Variants in NGLY1 observed in about 807,000 individuals in gnomAD.
NGLY1 encodes the protein peptide-N(4)-(N-acetyl-beta-glucosaminyl)asparagine amidase.
A neutral mutation model predicts 84.6 loss-of-function variants in NGLY1; 68 were observed. The observed-to-expected ratio is 0.80, with a 90% CI of 0.66 to 0.98. The LOEUF (loss-of-function observed/expected upper bound fraction) is 0.98. NGLY1 is among the 50% of genes least tolerant of loss of function. The probability of loss-of-function intolerance (pLI) is 0.00; values close to 1 mark genes in which losing one functional copy is unlikely to be tolerated. For missense variants in NGLY1, 779 were observed against 770.2 expected (o/e 1.01, Z -0.14); for synonymous variants, 280 against 275.2 (o/e 1.02, Z -0.17).
At chr3:25,776,381 C>T (rs562108631) in intron 2 of NGLY1, among the ~76,000 whole-genome samples, 10 of 152,288 alleles carry the variant, frequency 6.6e-5, no homozygotes, top group Admixed American at 4.6e-4. Flanking sequence ...TAGAGTCTTC[C>T]GTTGTCATTT....
intron 2 of NGLY1, 119 bp downstream of exon 2, chr3:25,778,455 C>T (rs563446632): frequency 1.9e-6 from 1 of 518,578 alleles, no homozygotes; most frequent in East Asian, 3.2e-5. Flanking sequence ...ATAACTACTT[C>T]TACTGATTCC....
At chr3:25,779,708 A>C (rs1434017888) in intron 1 of NGLY1, among the ~76,000 whole-genome samples, 3 of 152,178 alleles carry the variant, frequency 2.0e-5, no homozygotes, top group Non-Finnish European at 4.4e-5. Flanking sequence ...AAAACCAAAA[A>C]CCAAATATTT....
rs542192539 is a variant in NGLY1 at position 25,751,516 on chromosome 3, G to A, written c.493-253C>T. 3.3e-5 allele frequency among the ~76,000 whole-genome samples: 5 copies of A among 152,154 alleles called. No individual in the cohort carries two copies. In the East Asian group the frequency reaches 5.8e-4, roughly 18 times the overall value. On this transcript the variant is annotated intron_variant, in intron 3 of 11. Coordinates refer to ENST00000280700, the MANE Select transcript of NGLY1 (RefSeq NM_018297.4). ...AGGATATATTTAAATAAGGATATGC[G>A]GAATTCTTGAATACAAGCATGGATC...
chr3:25,776,920 C>G (rs1708178780), intron 2 of NGLY1, among the ~76,000 whole-genome samples: 1 of 151,884 alleles, frequency 6.6e-6, no homozygotes, highest in Non-Finnish European at 1.5e-5. Context: ...ACACAGGGAA[C>G]AGAAATGACA....
At chr3:25,736,696 T>C (rs1575619222) in intron 6 of NGLY1, 1 of 250,600 alleles carries the variant, frequency 4.0e-6, no homozygotes, top group East Asian at 8.5e-5. Flanking sequence ...ACAACACAAA[T>C]ATCACATGAC....
upstream of NGLY1, among the ~76,000 whole-genome samples, chr3:25,786,368 A>G (rs2125335496): frequency 6.6e-6 from 1 of 152,084 alleles, no homozygotes; most frequent in South Asian, 2.1e-4. Flanking sequence ...TCTAAAAATG[A>G]TGTTTTTAAT....
chr3:25,751,222 G>T lies in NGLY1; in HGVS notation c.534C>A (p.Asn178Lys). The change falls in exon 4 of 12, where the codon AAC becomes AAA. Residue 178 changes from asparagine to lysine, a missense_variant. Transcript: ENST00000280700. ...DSAILEVLQS[N>K]IQHVLVYENP... ...TTTCATAGACCAGCACATGCTGAAT[G>T]TTGGACTGAAGAACTTCTAGAATGG... 6.2e-7 allele frequency: 1 copy of T among 1,607,610 alleles called. No homozygotes were observed. Among genetic ancestry groups the T allele is most frequent in the Non-Finnish European group, 8.5e-7 (1 of 1,177,140 alleles).
intron 10 of NGLY1, among the ~76,000 whole-genome samples, chr3:25,725,316 C>T (rs1705195867): frequency 6.6e-6 from 1 of 152,142 alleles, no homozygotes; most frequent in African/African-American, 2.4e-5. Context: ...GTGGCACACC[C>T]GGGGAGGGCA....
chr3:25,747,522 T>C (rs955447241), intron 4 of NGLY1, among the ~76,000 whole-genome samples: 1 of 152,092 alleles, frequency 6.6e-6, no homozygotes, highest in Non-Finnish European at 1.5e-5. Flanking sequence ...GCAAAATATA[T>C]AAATGACATT....
chr3:25,764,279 A>C lies in NGLY1; in HGVS notation c.279T>G (p.Ala93=). The change falls in exon 3 of 12, where the codon GCT becomes GCG. Residue 93 remains alanine (A), a synonymous_variant. Coordinates refer to ENST00000280700, the MANE Select transcript of NGLY1 (RefSeq NM_018297.4). Reference sequence around the variant, plus strand: ...GAATTTTTTGCAGCTGCTCCACTGAAGCTTTTTTAGGAAAGATGAGATGTG... The same window carrying C: ...GAATTTTTTGCAGCTGCTCCACTGACGCTTTTTTAGGAAAGATGAGATGTG... ...GETHLIFPKK[A]SVEQLQKIRD... The C allele has an allele frequency of 6.2e-7, 1 of 1,614,076 alleles. No individual in the cohort carries two copies. Among genetic ancestry groups the C allele is most frequent in the East Asian group, 2.2e-5 (1 of 44,888 alleles).
intron 4 of NGLY1, 110 bp from the exon 5 acceptor site, chr3:25,739,909 T>A: frequency 1.2e-6 from 1 of 834,724 alleles, no homozygotes; most frequent in Non-Finnish European, 1.8e-6. Context: ...CATAAGATGA[T>A]TTTAAGGTTT....
At chr3:25,772,924 A>G (rs1707968183) in intron 2 of NGLY1, among the ~76,000 whole-genome samples, 1 of 152,142 alleles carries the variant, frequency 6.6e-6, no homozygotes, top group Non-Finnish European at 1.5e-5. Context: ...TTAGCTGATA[A>G]TTATTTTGTT....
chr3:25,725,113 C>A (rs1705185189), intron 10 of NGLY1, among the ~76,000 whole-genome samples: 1 of 152,142 alleles, frequency 6.6e-6, no homozygotes, highest in Non-Finnish European at 1.5e-5. Context: ...ACAGAGAGAC[C>A]AAGAAGAATC....
intron 3 of NGLY1, chr3:25,755,170 T>A: frequency 1.6e-6 from 2 of 1,270,972 alleles, no homozygotes; most frequent in South Asian, 2.4e-5. Context: ...CTGATCTTTT[T>A]ACCTCTCTTC....
chr3:25,735,761 T>C lies in NGLY1; in HGVS notation c.1149+243A>G, dbSNP rs145039923. On this transcript the variant is annotated intron_variant, in intron 7 of 11. Transcript: ENST00000280700. ...GTGTTCATGGCAGCTTAATTTGAAA[T>C]TGTGAAAAAAACTGGGAACTACCCA... 1.6e-3 allele frequency: 533 copies of C among 335,660 alleles called. 4 individuals are homozygous for C. Among genetic ancestry groups the C allele is most frequent in the South Asian group, 0.011 (200 of 17,646 alleles). 20.8% of individuals were successfully genotyped at this position (335,660 alleles called of 1,614,324 possible).
At chr3:25,764,982 G>T (rs1256305052) in intron 2 of NGLY1, among the ~76,000 whole-genome samples, 1 of 152,030 alleles carries the variant, frequency 6.6e-6, no homozygotes. Context: ...CTCATTTAAA[G>T]AATACCTATA....
chr3:25,774,519 A>C (rs1429563459), intron 2 of NGLY1, among the ~76,000 whole-genome samples: 1 of 152,004 alleles, frequency 6.6e-6, no homozygotes, highest in Non-Finnish European at 1.5e-5. Context: ...TTATGTTTCC[A>C]GGGGGATTAC....
upstream of NGLY1, among the ~76,000 whole-genome samples, chr3:25,784,499 T>C (rs1299499119): frequency 6.6e-6 from 1 of 152,230 alleles, no homozygotes; most frequent in East Asian, 1.9e-4. Context: ...TAATCCAGTC[T>C]CTTCCCCACC....
At chr3:25,756,537 T>C (rs112519766) in intron 3 of NGLY1, among the ~76,000 whole-genome samples, 282 of 152,352 alleles carry the variant, frequency 1.9e-3, no homozygotes, top group Non-Finnish European at 2.8e-3. Flanking sequence ...TTGATAACTC[T>C]ACCATATTTC....
Sources: gnomAD v4.1 joint callset for allele counts (sites outside exome capture counted in the v4.1 genomes callset) on GRCh38, gnomAD v4.1.1 for gene constraint, MANE v1.5 for transcripts, NCBI Gene and HGNC (gene_info 2026-07-23, HGNC 2026-07-21) for gene names.